The following TRPC6 variants were observed in gnomAD, a reference collection of about 807,000 sequenced individuals.
TRPC6 encodes the protein transient receptor potential cation channel subfamily C member 6.
A neutral mutation model predicts 90.7 loss-of-function variants in TRPC6; 55 were observed. The ratio of observed to expected loss-of-function variants is 0.61; its 90% CI spans 0.49 to 0.76. The LOEUF is 0.76. Among genes scored for constraint, TRPC6 ranks in the 30% least tolerant of loss-of-function variants. TRPC6 has a pLI of 0.00. For missense variants in TRPC6, 989 were observed against 1,122.7 expected, an observed-to-expected ratio of 0.88 and a Z score of 1.70; for synonymous variants, 393 against 393.0, an observed-to-expected ratio of 1.00 and a Z score of 0.00.
intron 1 of TRPC6, among the ~76,000 whole-genome samples, chr11:101,572,262 A>G (rs1163440096): frequency 3.3e-5 from 4 of 122,176 alleles, no homozygotes; most frequent in African/African-American, 1.2e-4. Flanking sequence ...CAACAAACAT[A>G]TGAAAAAAAA....
intron 1 of TRPC6, among the ~76,000 whole-genome samples, chr11:101,568,539 G>GC (rs1861886242): frequency 6.6e-6 from 1 of 152,072 alleles, no homozygotes; most frequent in Admixed American, 6.5e-5. Flanking sequence ...CTCAAGAATA[G>GC]CAACACCAAG....
intron 1 of TRPC6, among the ~76,000 whole-genome samples, chr11:101,517,331 C>G (rs777619285): frequency 1.1e-4 from 16 of 152,218 alleles, no homozygotes; most frequent in Admixed American, 1.0e-3. Flanking sequence ...TTTCCACGGA[C>G]AAATTATTCT....
intron 1 of TRPC6, among the ~76,000 whole-genome samples, chr11:101,571,775 T>G (rs1296466210): frequency 6.6e-6 from 1 of 152,182 alleles, no homozygotes; most frequent in Non-Finnish European, 1.5e-5. Context: ...GGGGAAAGGA[T>G]TCCCTATTTA....
intron 10 of TRPC6, among the ~76,000 whole-genome samples, chr11:101,461,275 A>ATTGT (rs147235401): frequency 0.021 from 3,189 of 152,280 alleles, 54 homozygotes; most frequent in African/African-American, 0.054. Context: ...AAATTATAAA[A>ATTGT]TTGTTTGGGC....
intron 2 of TRPC6, 48 bp downstream of exon 2, chr11:101,503,976 C>T (rs943767359): frequency 1.9e-6 from 3 of 1,612,714 alleles, no homozygotes; most frequent in Admixed American, 3.3e-5. Flanking sequence ...GTAAATACAC[C>T]TTGACTCTGG....
chr11:101,516,326 C>T (rs773548208), intron 1 of TRPC6, among the ~76,000 whole-genome samples: 4 of 152,036 alleles, frequency 2.6e-5, no homozygotes, highest in Non-Finnish European at 5.9e-5. Context: ...TTGTGACGCA[C>T]ACATGCTGAA....
chr11:101,451,634 C>T lies in TRPC6; in HGVS notation c.*1321G>A, dbSNP rs928191938. 2 of 152,160 alleles carry T rather than the reference C, an allele frequency of 1.3e-5. No individual in the cohort carries two copies. The highest frequency in any genetic ancestry group is 4.8e-5 in the African/African-American group (2 of 41,430). The allele number at this position is 152,160 out of a possible 1,614,324, so 9.4% of individuals were successfully genotyped here. ...AGTAGTATCCACAAATACAAAATCACTGAATATAAATTTTCAGCTGTATTT... is the reference window on the plus strand; with the variant it reads ...AGTAGTATCCACAAATACAAAATCATTGAATATAAATTTTCAGCTGTATTT... On this transcript the variant is annotated 3_prime_UTR_variant, in exon 13 of 13. Transcript: ENST00000344327.
chr11:101,566,632 G>GCGAGATAGA (rs1491357093), intron 1 of TRPC6, among the ~76,000 whole-genome samples: 1 of 152,158 alleles, frequency 6.6e-6, no homozygotes, highest in Admixed American at 6.5e-5. Context: ...GCAGCTCCCA[G>GCGAGATAGA]CGAGATAGAC....
intron 4 of TRPC6, among the ~76,000 whole-genome samples, chr11:101,485,046 A>C (rs186942028): frequency 1.3e-5 from 2 of 151,960 alleles, no homozygotes; most frequent in Non-Finnish European, 2.9e-5. Flanking sequence ...CAACACAGAC[A>C]CAATTTTTTT....
At position 101,501,051 on chromosome 11, in the gene TRPC6, C is replaced by T. The variant is rs574383989; in HGVS notation, c.945+2973G>A. ...AACTGTGTGAATGAACACAGTTTTT[C>T]AAACATCTTTCAGATGGAAAGGGAG... On this transcript the variant is annotated intron_variant, in intron 2 of 12. Coordinates refer to ENST00000344327, the MANE Select transcript of TRPC6 (RefSeq NM_004621.6). Among the ~76,000 whole-genome samples, 24 of 152,022 alleles carry T rather than the reference C, an allele frequency of 1.6e-4. No homozygotes were observed. In the East Asian group the frequency reaches 4.3e-3, roughly 27 times the overall value.
chr11:101,548,158 A>C (rs1050969952), intron 1 of TRPC6, among the ~76,000 whole-genome samples: 4 of 150,550 alleles, frequency 2.7e-5, no homozygotes, highest in African/African-American at 9.8e-5. Flanking sequence ...AAGGTTTTCT[A>C]AAATATTCTC....
At chr11:101,564,517 CATT>C (rs1263919811) in intron 1 of TRPC6, among the ~76,000 whole-genome samples, 1 of 152,216 alleles carries the variant, frequency 6.6e-6, no homozygotes, top group South Asian at 2.1e-4. Context: ...GTGGAGGCAT[CATT>C]GTCTTCCTCC....
chr11:101,558,577 G>A (rs1861644875), intron 1 of TRPC6, among the ~76,000 whole-genome samples: 1 of 151,138 alleles, frequency 6.6e-6, no homozygotes, highest in Admixed American at 6.6e-5. Context: ...TGTTTGTTTG[G>A]GACAGGGTCT....
At chr11:101,497,454 C>G (rs10791480) in intron 2 of TRPC6, among the ~76,000 whole-genome samples, 71,325 of 152,010 alleles carry the variant, frequency 0.47, 17,217 homozygotes, top group African/African-American at 0.58. Flanking sequence ...GAAACAATGC[C>G]AAGCATTTTT....
Position 101,491,429 on chromosome 11 carries a change from A to G in TRPC6, c.1128+127T>C, listed in dbSNP as rs533402132. 1,121 of 1,242,406 alleles carry G rather than the reference A, an allele frequency of 9.0e-4. 10 individuals are homozygous for G. In the African/African-American group the frequency reaches 0.018, roughly 20 times the overall value. 77.0% of individuals were successfully genotyped at this position (1,242,406 alleles called of 1,614,324 possible). On this transcript the variant is annotated intron_variant, in intron 3 of 12. Coordinates refer to ENST00000344327, the MANE Select transcript of TRPC6 (RefSeq NM_004621.6). ...AGACTGGGCGACAGAGCGAGACTCC[A>G]TCTCAAAAAAAAAAAAAGAGAAAAG... is the stretch of plus-strand genomic sequence containing the variant.
chr11:101,506,119 T>G (rs1860259467), intron 1 of TRPC6, among the ~76,000 whole-genome samples: 3 of 152,138 alleles, frequency 2.0e-5, no homozygotes, highest in Admixed American at 6.6e-5. Context: ...TCTTAAGGTC[T>G]TTTGAGCTTC....
intron 1 of TRPC6, among the ~76,000 whole-genome samples, chr11:101,566,765 G>A (rs190048094): frequency 1.3e-5 from 2 of 152,170 alleles, no homozygotes; most frequent in Admixed American, 1.3e-4. Context: ...CACCTCACCC[G>A]GGAAGTGCAA....
At chr11:101,477,422 G>C (rs1859442284) in intron 5 of TRPC6, among the ~76,000 whole-genome samples, 2 of 152,010 alleles carry the variant, frequency 1.3e-5, no homozygotes, top group Admixed American at 6.6e-5. Context: ...ATATTGTAAT[G>C]CTAAGTAAAA....
At position 101,472,205 on chromosome 11, in the gene TRPC6, C is replaced by T. The variant is rs184304815; in HGVS notation, c.2137G>A (p.Val713Ile). 3 of 1,613,002 alleles carry T rather than the reference C, an allele frequency of 1.9e-6. No individual in the cohort carries two copies. In the East Asian group the frequency reaches 6.7e-5, roughly 36 times the overall value. ...IGYVLYGVYN[V>I]TMVIVLLNML... ...TTTAGCAAAACAATGACCATCGTAA[C>T]ATTATAGACTCCATAAAGAACGTAA... Residue 713 changes from valine (V) to isoleucine (I), a missense_variant, in exon 8 of 13, where the codon GTT (valine) becomes ATT (isoleucine). Physicochemically the swap from Val to Ile is conservative, Grantham distance 29. This residue lies in a region of TRPC6 where 118 missense variants were observed against 197.6 expected (regional missense o/e 0.60). Coordinates refer to ENST00000344327, the MANE Select transcript of TRPC6 (RefSeq NM_004621.6).
Sources: allele counts gnomAD v4.1 joint callset (sites outside exome capture counted in the v4.1 genomes callset), GRCh38; gene constraint gnomAD v4.1.1; regional missense constraint gnomAD v4.1.1; transcripts MANE v1.5; gene names NCBI Gene and HGNC (gene_info 2026-07-23, HGNC 2026-07-21).